Variants in CBX2 observed in about 807,000 individuals in gnomAD.
CBX2 encodes chromobox 2.
A neutral mutation model predicts 21.0 loss-of-function variants in CBX2; 11 were observed. The observed-to-expected ratio is 0.52, with a 90% CI of 0.33 to 0.87. CBX2 has a LOEUF of 0.87. Among genes scored for constraint, CBX2 ranks in the 40% least tolerant of loss-of-function variants. CBX2 has a pLI of 0.02. For synonymous variants in CBX2, 364 were observed against 304.6 expected, an observed-to-expected ratio of 1.19 and a Z score of -2.03; for missense variants, 746 against 724.3, an observed-to-expected ratio of 1.03 and a Z score of -0.34.
Position 79,778,224 on chromosome 17 carries a change from C to G in CBX2, c.-12C>G. 7.2e-7 allele frequency: 1 copy of G among 1,395,118 alleles called. No individual in the cohort carries two copies. Among genetic ancestry groups the G allele is most frequent in the Non-Finnish European group, 9.4e-7 (1 of 1,069,354 alleles). The allele number at this position is 1,395,118 out of a possible 1,614,324, so 86.4% of individuals were successfully genotyped here. ...GCGGCGGGCGCCGCGGTCGGGCTGGCTGCCGGGCAGCATGGAGGAGCTGAG... is the reference window on the plus strand; with the variant it reads ...GCGGCGGGCGCCGCGGTCGGGCTGGGTGCCGGGCAGCATGGAGGAGCTGAG... On this transcript the variant is annotated 5_prime_UTR_variant, in exon 1 of 5. Coordinates refer to ENST00000310942, the MANE Select transcript of CBX2 (RefSeq NM_005189.3). The surrounding 1 kb of genome is among the most constrained non-coding windows in gnomAD (Gnocchi z 4.8).
At position 79,778,453 on chromosome 17, in the gene CBX2, C is replaced by T; in HGVS notation, c.116+26C>T. The T allele has an allele frequency of 6.9e-7, 1 of 1,451,040 alleles. No homozygotes were observed. The highest frequency in any genetic ancestry group is 9.2e-7 in the Non-Finnish European group (1 of 1,084,408). The allele number at this position is 1,451,040 out of a possible 1,614,324, so 89.9% of individuals were successfully genotyped here. ...GTGAGTCCCCCGCGACGCCGCGCCC[C>T]CCTCCCGCCCCCTCGCCCGGGGGTG... On this transcript the variant is annotated intron_variant, in intron 2 of 4. Coordinates refer to ENST00000310942, the MANE Select transcript of CBX2 (RefSeq NM_005189.3). This position sits in a 1 kb window ranked among gnomAD's most constrained non-coding sequence, Gnocchi z 4.8.
Position 79,784,677 on chromosome 17 carries a change from G to A in CBX2, c.1234G>A (p.Glu412Lys). The A allele has an allele frequency of 6.2e-7, 1 of 1,612,334 alleles. No homozygotes were observed. The highest frequency in any genetic ancestry group is 8.5e-7 in the Non-Finnish European group (1 of 1,179,798). ...CATGCCCACCGACACAAGCAAAAGT[G>A]AGAAGCTGGCTTCCAGAGCAGTGGC... ...ATMPTDTSKSEKLASRAVAPP... is the reference protein window; with the variant it reads ...ATMPTDTSKSKKLASRAVAPP... Residue 412 changes from glutamate (E) to lysine (K), a missense_variant, in exon 5 of 5, where the codon GAG becomes AAG. Physicochemically the swap from Glu to Lys is moderately conservative, Grantham distance 56 (BLOSUM62 1). Transcript: ENST00000310942. This position sits in a 1 kb window ranked among gnomAD's most constrained non-coding sequence, Gnocchi z 5.9.
At chr17:79,783,256 G>T in intron 4 of CBX2, among the ~76,000 whole-genome samples, 2 of 152,236 alleles carry the variant, frequency 1.3e-5, no homozygotes, top group East Asian at 1.9e-4. Context: ...TCATGGAACT[G>T]TGAGCACGGT....
rs1907633908 is a variant in CBX2 at position 79,786,325 on chromosome 17, C to G, written c.*1283C>G. 6.5e-6 allele frequency: 1 copy of G among 152,752 alleles called. No individual in the cohort carries two copies. The highest frequency in any genetic ancestry group is 2.1e-4 in the South Asian group (1 of 4,840). The allele number at this position is 152,752 out of a possible 1,614,324, so 9.5% of individuals were successfully genotyped here. On this transcript the variant is annotated 3_prime_UTR_variant, in exon 5 of 5. Coordinates refer to ENST00000310942, the MANE Select transcript of CBX2 (RefSeq NM_005189.3). The stretch of plus-strand genomic sequence containing the variant: ...CATTTTCCCTGACAATCCCCATCAC[C>G]TTTAGGGGTTCCCTGCTTGGCTCCT...
chr17:79,778,158 G>A lies in CBX2; in HGVS notation c.-78G>A. ...GCGCCGGGCGGGGGCGGTGCTTTGT[G>A]TGCTGCCGGCGGGGCGCGCGGCGGT... On this transcript the variant is annotated 5_prime_UTR_variant, in exon 1 of 5. The change creates a new upstream start codon in the 5' untranslated region. Coordinates refer to ENST00000310942, the MANE Select transcript of CBX2 (RefSeq NM_005189.3). This position sits in a 1 kb window ranked among gnomAD's most constrained non-coding sequence, Gnocchi z 4.8. The A allele has an allele frequency of 1.2e-6, 1 of 830,948 alleles. No individual in the cohort carries two copies. Among genetic ancestry groups the A allele is most frequent in the Non-Finnish European group, 1.5e-6 (1 of 658,646 alleles). The allele number at this position is 830,948 out of a possible 1,614,324, so 51.5% of individuals were successfully genotyped here. A position where few individuals can be genotyped will look rare whatever the true frequency, so the allele number is the denominator to read the frequency against.
Position 79,778,837 on chromosome 17 carries a change from G to T in CBX2, c.116+410G>T, listed in dbSNP as rs1283120970. 1.3e-5 allele frequency among the ~76,000 whole-genome samples: 2 copies of T among 151,988 alleles called. No homozygotes were observed. Among genetic ancestry groups the T allele is most frequent in the Non-Finnish European group, 2.9e-5 (2 of 67,964 alleles). On this transcript the variant is annotated intron_variant, in intron 2 of 4. Coordinates refer to ENST00000310942, the MANE Select transcript of CBX2 (RefSeq NM_005189.3). The surrounding 1 kb of genome is among the most constrained non-coding windows in gnomAD (Gnocchi z 4.8). ...CTTTTAATGGAAGGGAGGGTGTTTG[G>T]CATCCCCGGAAGGGGCTCTCTGCAC...
upstream of CBX2, among the ~76,000 whole-genome samples, chr17:79,777,936 C>CCCCCG (rs1906839686): frequency 1.4e-5 from 2 of 145,586 alleles, no homozygotes; most frequent in African/African-American, 5.0e-5. Flanking sequence ...CCCGCCCCCG[C>CCCCCG]CCCCGCCCGG....
chr17:79,779,425 G>C lies in CBX2; in HGVS notation c.180G>C (p.Lys60Asn). 1.9e-6 allele frequency: 3 copies of C among 1,611,918 alleles called. No homozygotes were observed. Among genetic ancestry groups the C allele is most frequent in the Non-Finnish European group, 2.5e-6 (3 of 1,179,446 alleles). Residue 60 changes from lysine to asparagine, a missense_variant and splice_region_variant, in exon 3 of 5, where the codon AAG becomes AAC. Physicochemically the swap from Lys to Asn is moderately conservative, Grantham distance 94 (BLOSUM62 0). Transcript: ENST00000310942. ...LDPRLLLAFQ[K>N]KEHEKEVQNR... ...CGAGGCTGCTCCTGGCCTTCCAGAA[G>C]AAGTGAGGACGCTGACAGCACTGGG...
At chr17:79,779,290 C>G (rs1379125447) in intron 2 of CBX2, 72 bp from the exon 3 acceptor site, 1 of 1,442,244 alleles carries the variant, frequency 6.9e-7, no homozygotes, top group Non-Finnish European at 9.6e-7. Flanking sequence ...GAGGGCGAGC[C>G]CCCTCGGGCT....
At chr17:79,780,332 T>G (rs146659712) in intron 3 of CBX2, among the ~76,000 whole-genome samples, 1 of 152,328 alleles carries the variant, frequency 6.6e-6, no homozygotes, top group Non-Finnish European at 1.5e-5. Flanking sequence ...GCGGGACATA[T>G]TGGGTCTTCC....
chr17:79,783,488 C>CA (rs1363878381), intron 4 of CBX2, among the ~76,000 whole-genome samples: 1 of 151,782 alleles, frequency 6.6e-6, no homozygotes, highest in African/African-American at 2.4e-5. Flanking sequence ...TGGCTCACTG[C>CA]AGCCTCCACC....
intron 3 of CBX2, among the ~76,000 whole-genome samples, chr17:79,780,851 G>T (rs1907130111): frequency 6.6e-6 from 1 of 152,186 alleles, no homozygotes. Context: ...CCTTTTAGGA[G>T]ATTTCAGGTT....
At chr17:79,780,540 A>C (rs1907101260) in intron 3 of CBX2, among the ~76,000 whole-genome samples, 2 of 152,062 alleles carry the variant, frequency 1.3e-5, no homozygotes, top group African/African-American at 2.4e-5. Context: ...CTCTGGATCT[A>C]AGACGGTGTC....
At chr17:79,783,014 A>G (rs1907347125) in intron 4 of CBX2, among the ~76,000 whole-genome samples, 1 of 152,190 alleles carries the variant, frequency 6.6e-6, no homozygotes, top group African/African-American at 2.4e-5. Context: ...TAGGCTGCAA[A>G]GCTGTGCATG....
chr17:79,784,670 C>G lies in CBX2; in HGVS notation c.1227C>G (p.Ser409Arg). ...ASGATMPTDT[S>R]KSEKLASRAV... is the part of the protein sequence containing the mutation. ...GGGCCACCATGCCCACCGACACAAG[C>G]AAAAGTGAGAAGCTGGCTTCCAGAG... Residue 409 changes from serine (S) to arginine (R), a missense_variant, in exon 5 of 5, where the codon AGC becomes AGG. Physicochemically the swap from Ser to Arg is moderately radical, Grantham distance 110. Coordinates refer to ENST00000310942, the MANE Select transcript of CBX2 (RefSeq NM_005189.3). This position sits in a 1 kb window ranked among gnomAD's most constrained non-coding sequence, Gnocchi z 5.9. The G allele has an allele frequency of 6.2e-7, 1 of 1,612,404 alleles. No homozygotes were observed.
chr17:79,784,441 C>A lies in CBX2; in HGVS notation c.998C>A (p.Ala333Asp), dbSNP rs782370639. 89 of 1,611,998 alleles carry A rather than the reference C, an allele frequency of 5.5e-5. 2 individuals carry two copies. In the South Asian group the frequency reaches 9.6e-4, roughly 17 times the overall value. Residue 333 changes from alanine (A) to aspartate (D), a missense_variant, in exon 5 of 5, where the codon GCC becomes GAC. By Grantham distance (126) the Ala-to-Asp change is moderately radical (BLOSUM62 -2). Coordinates refer to ENST00000310942, the MANE Select transcript of CBX2 (RefSeq NM_005189.3). The surrounding 1 kb of genome is among the most constrained non-coding windows in gnomAD (Gnocchi z 5.9). ...NTGGPPHTHGASRVPAGCPGP... is the reference protein window; with the variant it reads ...NTGGPPHTHGDSRVPAGCPGP... ...GGGGGCCCCCCGCACACCCATGGTG[C>A]CAGCAGGGTGCCTGCTGGGTGCCCA... is the stretch of plus-strand genomic sequence containing the variant.
At chr17:79,777,923 ACCCCCGCCCCCG>A (rs1221758472), upstream of CBX2, among the ~76,000 whole-genome samples, 4 of 92,390 alleles carry the variant, frequency 4.3e-5, no homozygotes, top group East Asian at 6.1e-4. Context: ...CCGCGCCCCC[ACCCCCGCCCCCG>A]CCCCCGCCCG....
At chr17:79,779,620 C>T in intron 3 of CBX2, 193 bp downstream of exon 3, 3 of 619,430 alleles carry the variant, frequency 4.8e-6, no homozygotes, top group Middle Eastern at 4.3e-4. Flanking sequence ...CCACCTTCTC[C>T]TAGCCAGCCT....
chr17:79,784,527 A>G lies in CBX2; in HGVS notation c.1084A>G (p.Lys362Glu). ...SLQVLDLQSVKNGMPGVGLLA... is the reference protein window; with the variant it reads ...SLQVLDLQSVENGMPGVGLLA... ...CCAGGTCTTGGACTTGCAGAGTGTC[A>G]AGAATGGCATGCCCGGGGTGGGTCT... The change falls in exon 5 of 5, where the codon AAG becomes GAG. Residue 362 changes from lysine (K) to glutamate (E), a missense_variant. By Grantham distance (56) the Lys-to-Glu change is moderately conservative. Transcript: ENST00000310942. This position sits in a 1 kb window ranked among gnomAD's most constrained non-coding sequence, Gnocchi z 5.9. The G allele has an allele frequency of 2.5e-6, 4 of 1,612,594 alleles. No homozygotes were observed. Among genetic ancestry groups the G allele is most frequent in the Non-Finnish European group, 3.4e-6 (4 of 1,179,894 alleles).
Sources: gnomAD v4.1 joint callset for allele counts (sites outside exome capture counted in the v4.1 genomes callset) on GRCh38, gnomAD v4.1.1 for gene constraint, Gnocchi (gnomAD v3.1) non-coding constraint, MANE v1.5 for transcripts, NCBI Gene and HGNC (gene_info 2026-07-23, HGNC 2026-07-21) for gene names.